Variants in C16orf96 observed in about 807,000 individuals in gnomAD.
The protein encoded by C16orf96 is uncharacterized protein C16orf96.
Under a neutral mutation model 103.6 loss-of-function variants are expected in C16orf96, and 108 were observed. That is an observed-to-expected ratio of 1.04 (90% CI 0.89 to 1.22). C16orf96 has a LOEUF of 1.22. Among genes scored for constraint, C16orf96 ranks in the 50% most tolerant of loss-of-function variants. The probability of loss-of-function intolerance (pLI) is 0.00; values close to 1 mark genes in which losing one functional copy is unlikely to be tolerated. For missense variants in C16orf96, 1,586 were observed against 1,464.2 expected (o/e 1.08, Z -1.36); for synonymous variants, 566 against 593.5 (o/e 0.95, Z 0.67).
chr16:4,595,690 T>TTTG (rs56706290), intron 14 of C16orf96, among the ~76,000 whole-genome samples: 131,703 of 150,668 alleles, frequency 0.87, 58,753 homozygotes, highest in East Asian at 0.99. Context: ...ATTCTGGTTT[T>TTTG]TTGTTGTTGT....
Position 4,571,140 on chromosome 16 carries a change from C to T in C16orf96, c.421-421C>T, listed in dbSNP as rs563597120. Among the ~76,000 whole-genome samples the T allele has an allele frequency of 5.0e-4, 76 of 152,190 alleles. 1 individual carries two copies. Among genetic ancestry groups the T allele is most frequent in the South Asian group, 3.5e-3 (17 of 4,814 alleles). ...GGTGGAGGTTACAGTGAGTTGAGAT[C>T]GCGCCACTGCACTCCAGCCTGAGCC... On this transcript the variant is annotated intron_variant, in intron 1 of 15. Transcript: ENST00000444310.
the C16orf96 span, among the ~76,000 whole-genome samples, chr16:4,542,776 G>A: frequency 1.7e-3 from 260 of 151,902 alleles, no homozygotes; most frequent in African/African-American, 5.9e-3. Flanking sequence ...CAGCCTGGGC[G>A]ACAAGCAAAA....
At chr16:4,590,319 G>C (rs1464578488) in intron 9 of C16orf96, among the ~76,000 whole-genome samples, 1 of 151,976 alleles carries the variant, frequency 6.6e-6, no homozygotes, top group Non-Finnish European at 1.5e-5. Flanking sequence ...AGCACTTTGA[G>C]AGGCAGAGAT....
chr16:4,551,652 A>T (rs558131346), upstream of C16orf96, among the ~76,000 whole-genome samples: 113 of 9,862 alleles, frequency 0.011, 1 homozygote, highest in African/African-American at 0.054. Flanking sequence ...ATGGGGTTTC[A>T]CCATGTTAGC....
At position 4,576,523 on chromosome 16, in the gene C16orf96, G is replaced by A. The variant is rs866746093; in HGVS notation, c.2043G>A (p.Arg681=). 6.4e-7 allele frequency: 1 copy of A among 1,551,570 alleles called. No homozygotes were observed. The highest frequency in any genetic ancestry group is 2.0e-5 in the Admixed American group (1 of 51,000). Residue 681 remains arginine (R), a synonymous_variant, in exon 5 of 16, where the codon AGG becomes AGA. Transcript: ENST00000444310. ...CCATGAGCCCTGAAGACAAGAAGAG[G>A]GCTGTCAAGTATTCCATGAGCCACA... ...KQAMSPEDKK[R]AVKYSMSHIA... is the part of the protein sequence containing the mutation.
intron 2 of C16orf96, among the ~76,000 whole-genome samples, chr16:4,574,410 C>T (rs1285354953): frequency 1.3e-5 from 2 of 152,116 alleles, no homozygotes; most frequent in African/African-American, 2.4e-5. Context: ...TTAGTAGAGA[C>T]GGTGTTTCAC....
chr16:4,594,537 A>C, intron 13 of C16orf96, 27 bp downstream of exon 13: 3 of 1,548,044 alleles, frequency 1.9e-6, no homozygotes, highest in Non-Finnish European at 2.6e-6. Context: ...CCTCCTTCTC[A>C]GAGGGTGGAC....
At chr16:4,544,782 A>G in the C16orf96 span, among the ~76,000 whole-genome samples, 1 of 152,150 alleles carries the variant, frequency 6.6e-6, no homozygotes, top group Admixed American at 6.6e-5. Context: ...TTAGCCTCTG[A>G]GTGCTCTGGG....
chr16:4,582,328 T>TAAC (rs1567451387), intron 7 of C16orf96, among the ~76,000 whole-genome samples: 44 of 151,696 alleles, frequency 2.9e-4, no homozygotes, highest in African/African-American at 1.0e-3. Context: ...AAATAAATAA[T>TAAC]AACCCACCAA....
chr16:4,550,086 ATT>A, the C16orf96 span, among the ~76,000 whole-genome samples: 496 of 136,936 alleles, frequency 3.6e-3, 2 homozygotes, highest in Non-Finnish European at 4.4e-3. Context: ...ACAGTGGGTA[ATT>A]TTTTTTTTTT....
chr16:4,594,558 C>T (rs1361729306), intron 13 of C16orf96, 48 bp downstream of exon 13: 5 of 1,544,602 alleles, frequency 3.2e-6, no homozygotes, highest in Non-Finnish European at 4.4e-6. Context: ...GTCAGCGCAC[C>T]CCAGCCCCAG....
At chr16:4,597,453 C>T (rs963391616) in intron 14 of C16orf96, among the ~76,000 whole-genome samples, 3 of 152,316 alleles carry the variant, frequency 2.0e-5, no homozygotes, top group African/African-American at 7.2e-5. Flanking sequence ...ACTGGCCTCC[C>T]CAAGGGCTGT....
At chr16:4,578,000 C>T (rs1350918635) in intron 5 of C16orf96, among the ~76,000 whole-genome samples, 1 of 152,110 alleles carries the variant, frequency 6.6e-6, no homozygotes, top group African/African-American at 2.4e-5. Context: ...GTCCCAACTA[C>T]TCAGGAGGCT....
At chr16:4,540,558 C>T in the C16orf96 span, among the ~76,000 whole-genome samples, 1 of 151,914 alleles carries the variant, frequency 6.6e-6, no homozygotes, top group African/African-American at 2.4e-5. Flanking sequence ...CACAGTGAAA[C>T]CCCGTCTCTA....
rs991488085 is a variant in C16orf96 at position 4,592,213 on chromosome 16, G to A, written c.2712-92G>A. The A allele has an allele frequency of 4.0e-6, 6 of 1,486,030 alleles. No homozygotes were observed. The African/African-American group carries it at 8.4e-5, about 21-fold the overall frequency. 92.1% of individuals were successfully genotyped at this position (1,486,030 alleles called of 1,614,324 possible). ...TGAGCTGGGCCGGGCACTGGCAGGA[G>A]GGATGCAGCCCTGGGGCTCTGGCTG... On this transcript the variant is annotated intron_variant, in intron 10 of 15. Transcript: ENST00000444310.
chr16:4,593,431 C>T lies in C16orf96; in HGVS notation c.2867+115C>T. 2 of 1,042,890 alleles carry T rather than the reference C, an allele frequency of 1.9e-6. No individual in the cohort carries two copies. The highest frequency in any genetic ancestry group is 2.9e-5 in the South Asian group (2 of 69,688). The allele number at this position is 1,042,890 out of a possible 1,614,324, so 64.6% of individuals were successfully genotyped here. The stretch of plus-strand genomic sequence containing the variant: ...CCAGGCCCAGGGACCTAAGATTGTC[C>T]TGGACATGGCCAGCCCTTCGCAAGA... On this transcript the variant is annotated intron_variant, in intron 12 of 15. Transcript: ENST00000444310. This position sits in a 1 kb window ranked among gnomAD's most constrained non-coding sequence, Gnocchi z 4.2.
At chr16:4,582,328 T>TAAATAAC (rs1567451384) in intron 7 of C16orf96, among the ~76,000 whole-genome samples, 4 of 151,580 alleles carry the variant, frequency 2.6e-5, no homozygotes, top group African/African-American at 9.7e-5. Context: ...AAATAAATAA[T>TAAATAAC]AACCCACCAA....
rs1461490335 is a variant in C16orf96 at position 4,571,669 on chromosome 16, G to A, written c.525+4G>A. 6.4e-7 allele frequency: 1 copy of A among 1,550,766 alleles called. No homozygotes were observed. Among genetic ancestry groups the A allele is most frequent in the Non-Finnish European group, 8.7e-7 (1 of 1,146,284 alleles). ...GCTGAAGAACATGCTTGACAAGGTA[G>A]GCCCTCCCCCAGCATCCTCCATGCC... On this transcript the variant is annotated splice_donor_region_variant and intron_variant, in intron 2 of 15. Coordinates refer to ENST00000444310, the MANE Select transcript of C16orf96 (RefSeq NM_001145011.2).
intron 14 of C16orf96, among the ~76,000 whole-genome samples, chr16:4,598,001 T>C (rs1897209163): frequency 6.6e-6 from 1 of 152,120 alleles, no homozygotes; most frequent in Non-Finnish European, 1.5e-5. Context: ...TGTGGCCAGA[T>C]CTTGATCAGT....
Sources: gnomAD v4.1 joint callset for allele counts (sites outside exome capture counted in the v4.1 genomes callset) on GRCh38, gnomAD v4.1.1 for gene constraint, Gnocchi (gnomAD v3.1) non-coding constraint, MANE v1.5 for transcripts, NCBI Gene and HGNC (gene_info 2026-07-23, HGNC 2026-07-21) for gene names.